The following SGCG variants were observed in gnomAD, a reference collection of about 807,000 sequenced individuals.
SGCG encodes the protein sarcoglycan gamma.
Under a neutral mutation model 29.3 loss-of-function variants are expected in SGCG, and 26 were observed. The observed-to-expected ratio is 0.89, with a 90% confidence interval of 0.65 to 1.23. The LOEUF (loss-of-function observed/expected upper bound fraction) is 1.23, where lower values mean the gene tolerates loss of function less well. Among genes scored for constraint, SGCG ranks in the 50% most tolerant of loss-of-function variants. The probability of loss-of-function intolerance (pLI) is 0.00; values close to 1 mark genes in which losing one functional copy is unlikely to be tolerated. For synonymous variants in SGCG, 145 were observed against 129.7 expected, an observed-to-expected ratio of 1.12 and a Z score of -0.80; for missense variants, 353 against 356.0, an observed-to-expected ratio of 0.99 and a Z score of 0.07.
intron 6 of SGCG, among the ~76,000 whole-genome samples, chr13:23,305,941 A>G (rs931886240): frequency 6.6e-6 from 1 of 152,200 alleles, no homozygotes; most frequent in African/African-American, 2.4e-5. Context: ...ACACGATCTC[A>G]GCTTACTGCA....
intron 2 of SGCG, among the ~76,000 whole-genome samples, chr13:23,232,815 G>A (rs1879161803): frequency 6.6e-6 from 1 of 152,040 alleles, no homozygotes; most frequent in Non-Finnish European, 1.5e-5. Context: ...AGGACAGTTA[G>A]GCAATCAGAT....
At chr13:23,221,237 G>A (rs905119103) in intron 2 of SGCG, among the ~76,000 whole-genome samples, 1 of 152,118 alleles carries the variant, frequency 6.6e-6, no homozygotes, top group Non-Finnish European at 1.5e-5. Context: ...ATAGTTGTTA[G>A]GATAATTAAA....
intron 4 of SGCG, among the ~76,000 whole-genome samples, chr13:23,276,264 C>G (rs1881061804): frequency 6.6e-6 from 1 of 151,760 alleles, no homozygotes; most frequent in Admixed American, 6.6e-5. Flanking sequence ...GTGCAGTTGC[C>G]TCTGAAGTGG....
intron 3 of SGCG, among the ~76,000 whole-genome samples, chr13:23,242,299 G>A (rs1391429006): frequency 2.0e-5 from 3 of 152,118 alleles, no homozygotes; most frequent in Non-Finnish European, 4.4e-5. Context: ...GTGGTGAATT[G>A]TACTTGCCCT....
chr13:23,290,446 T>C (rs1881656679), intron 5 of SGCG, among the ~76,000 whole-genome samples: 1 of 152,168 alleles, frequency 6.6e-6, no homozygotes, highest in Admixed American at 6.5e-5. Context: ...TTTTCTGGTG[T>C]CAAGAGAGAC....
At chr13:23,161,039 C>G in the SGCG span, among the ~76,000 whole-genome samples, 1 of 152,084 alleles carries the variant, frequency 6.6e-6, no homozygotes. Flanking sequence ...AAACTTTGCC[C>G]TGGGTTGCTT....
chr13:23,207,142 A>T (rs1376010445), intron 2 of SGCG, among the ~76,000 whole-genome samples: 1 of 152,174 alleles, frequency 6.6e-6, no homozygotes, highest in African/African-American at 2.4e-5. Context: ...GGAACAGAAT[A>T]GAGATCCCAG....
chr13:23,243,675 G>A (rs903853313), intron 3 of SGCG: 4 of 152,128 alleles, frequency 2.6e-5, no homozygotes, highest in Non-Finnish European at 5.9e-5. Context: ...AGAGAGCCTG[G>A]AAGTGGGCAT....
chr13:23,297,318 T>C (rs923800192), intron 6 of SGCG, among the ~76,000 whole-genome samples: 10 of 151,952 alleles, frequency 6.6e-5, no homozygotes, highest in African/African-American at 2.2e-4. Flanking sequence ...GTTAGAGGAA[T>C]TAAAGACACA....
intron 5 of SGCG, among the ~76,000 whole-genome samples, chr13:23,281,946 G>A (rs1481322209): frequency 6.6e-6 from 1 of 152,168 alleles, no homozygotes; most frequent in Non-Finnish European, 1.5e-5. Flanking sequence ...CCTTTTAAAG[G>A]ACAAGTTATA....
chr13:23,278,311 C>T (rs9510663), intron 4 of SGCG, among the ~76,000 whole-genome samples: 65,809 of 151,816 alleles, frequency 0.43, 15,106 homozygotes, highest in Middle Eastern at 0.65. Context: ...AGCGTGGTGG[C>T]GCATGCCTGT....
chr13:23,167,952 G>A, the SGCG span, among the ~76,000 whole-genome samples: 7 of 152,218 alleles, frequency 4.6e-5, 1 homozygote, highest in African/African-American at 1.7e-4. Flanking sequence ...GGCCAGTCTG[G>A]TCTTGAACTC....
chr13:23,175,548 G>C, the SGCG span, among the ~76,000 whole-genome samples: 4 of 152,136 alleles, frequency 2.6e-5, no homozygotes, highest in African/African-American at 9.7e-5. Flanking sequence ...ATGGAAGCCA[G>C]TGTATAACAT....
At chr13:23,290,843 T>C (rs1199277789) in intron 5 of SGCG, among the ~76,000 whole-genome samples, 1 of 152,208 alleles carries the variant, frequency 6.6e-6, no homozygotes, top group Non-Finnish European at 1.5e-5. Context: ...TTTCTATAAT[T>C]GAAGGAACCT....
chr13:23,196,938 A>G (rs1877536386), intron 1 of SGCG, among the ~76,000 whole-genome samples: 1 of 152,218 alleles, frequency 6.6e-6, no homozygotes, highest in South Asian at 2.1e-4. Context: ...CTAGCATAAC[A>G]TAGGCAGCCT....
intron 4 of SGCG, among the ~76,000 whole-genome samples, chr13:23,266,228 C>G (rs555969781): frequency 6.6e-6 from 1 of 150,722 alleles, no homozygotes; most frequent in African/African-American, 2.4e-5. Flanking sequence ...GCCGAGATCA[C>G]GCCACTGCAC....
chr13:23,302,173 C>G (rs1882185785), intron 6 of SGCG, among the ~76,000 whole-genome samples: 6 of 151,786 alleles, frequency 4.0e-5, no homozygotes, highest in Admixed American at 3.9e-4. Context: ...TTACAGTTCA[C>G]TTACCCAAAA....
intron 3 of SGCG, among the ~76,000 whole-genome samples, chr13:23,238,981 T>C (rs1879407898): frequency 1.3e-5 from 2 of 151,952 alleles, no homozygotes; most frequent in South Asian, 2.1e-4. Flanking sequence ...AGAGGGACAA[T>C]GTCAAGGGGC....
At chr13:23,259,538 T>G (rs1027703208) in intron 4 of SGCG, among the ~76,000 whole-genome samples, 2 of 152,162 alleles carry the variant, frequency 1.3e-5, no homozygotes. Context: ...TATGTTTCTA[T>G]CTCCCTCAGT....
Sources: allele counts gnomAD v4.1 joint callset (sites outside exome capture counted in the v4.1 genomes callset), GRCh38; gene constraint gnomAD v4.1.1; transcripts MANE v1.5; gene names NCBI Gene and HGNC (gene_info 2026-07-23, HGNC 2026-07-21).